Variants in SPTBN1 observed in about 807,000 individuals in gnomAD.
The protein encoded by SPTBN1 is spectrin beta chain, non-erythrocytic 1.
Under a neutral mutation model 266.4 loss-of-function variants are expected in SPTBN1, and 32 were observed. That is an observed-to-expected ratio of 0.12 (90% CI 0.09 to 0.16). The LOEUF (loss-of-function observed/expected upper bound fraction) is 0.16. Ranked by LOEUF, SPTBN1 falls within the 10% of genes least tolerant of loss-of-function variation. The probability of loss-of-function intolerance (pLI) is 1.00; values close to 1 mark genes in which losing one functional copy is unlikely to be tolerated. For synonymous variants in SPTBN1, 1,336 were observed against 1,162.2 expected (o/e 1.15, Z -3.04); for missense variants, 2,296 against 3,067.1 (o/e 0.75, Z 5.94).
chr2:54,599,521 G>T (rs1267011296), intron 3 of SPTBN1, among the ~76,000 whole-genome samples: 1 of 152,206 alleles, frequency 6.6e-6, no homozygotes, highest in Non-Finnish European at 1.5e-5. Flanking sequence ...CAAGAACAGG[G>T]CATGGTGCTG....
At chr2:54,659,853 T>C (rs1572774649) in intron 31 of SPTBN1, 83 bp from the exon 32 acceptor site, 3 of 1,515,382 alleles carry the variant, frequency 2.0e-6, no homozygotes, top group East Asian at 4.8e-5. Flanking sequence ...AATTGAGTGA[T>C]GATGTTCTCC....
chr2:54,523,906 G>T (rs1398558247), intron 1 of SPTBN1, among the ~76,000 whole-genome samples: 1 of 152,192 alleles, frequency 6.6e-6, no homozygotes, highest in African/African-American at 2.4e-5. Context: ...TGAGTTTTAA[G>T]ATGTTGATAA....
At chr2:54,602,687 A>G (rs1362064129) in intron 3 of SPTBN1, among the ~76,000 whole-genome samples, 1 of 152,066 alleles carries the variant, frequency 6.6e-6, no homozygotes, top group African/African-American at 2.4e-5. Flanking sequence ...TTACTCCATC[A>G]GTCATTCTCT....
chr2:54,470,250 AT>A (rs11339446), intron 1 of SPTBN1, among the ~76,000 whole-genome samples: 53,795 of 151,876 alleles, frequency 0.35, 12,398 homozygotes, highest in African/African-American at 0.66. Context: ...TTTTATATAT[AT>A]TTTTTCCGGC....
At chr2:54,633,735 AT>A (rs1274206654) in intron 17 of SPTBN1, among the ~76,000 whole-genome samples, 2 of 152,144 alleles carry the variant, frequency 1.3e-5, no homozygotes, top group African/African-American at 4.8e-5. Context: ...GAAAGGAAAA[AT>A]ATTCCTTTGC....
At chr2:54,485,382 A>G (rs138547402) in intron 1 of SPTBN1, among the ~76,000 whole-genome samples, 6 of 152,154 alleles carry the variant, frequency 3.9e-5, no homozygotes, top group Admixed American at 2.6e-4. Context: ...TGGTGGAGAC[A>G]GGGTTTCACT....
chr2:54,622,202 G>A lies in SPTBN1; in HGVS notation c.877-98G>A, dbSNP rs1678033736. 3.0e-6 allele frequency: 4 copies of A among 1,317,796 alleles called. No homozygotes were observed. In the Admixed American group the frequency reaches 8.1e-5, roughly 27 times the overall value. The allele number at this position is 1,317,796 out of a possible 1,614,324, so 81.6% of individuals were successfully genotyped here. ...TCAGAGCTGGCCAAACTGTTTCAAA[G>A]CCGGTCGTTTTGTGTGCATGCACTC... On this transcript the variant is annotated intron_variant, in intron 8 of 35. Coordinates refer to ENST00000356805, the MANE Select transcript of SPTBN1 (RefSeq NM_003128.3).
chr2:54,513,146 G>T (rs1192882651), intron 1 of SPTBN1, among the ~76,000 whole-genome samples: 1 of 152,188 alleles, frequency 6.6e-6, no homozygotes, highest in Non-Finnish European at 1.5e-5. Context: ...CTGCACTCCA[G>T]CCTGGGCAAC....
At chr2:54,550,132 T>A (rs532443321) in intron 2 of SPTBN1, among the ~76,000 whole-genome samples, 2 of 152,044 alleles carry the variant, frequency 1.3e-5, no homozygotes, top group Admixed American at 6.5e-5. Context: ...GAGGGAAGGG[T>A]GTTTTATGGT....
Position 54,628,162 on chromosome 2 carries a change from C to T in SPTBN1, c.1710C>T (p.His570=). Residue 570 remains histidine (H), a synonymous_variant, in exon 13 of 36, where the codon CAC becomes CAT. Coordinates refer to ENST00000356805, the MANE Select transcript of SPTBN1 (RefSeq NM_003128.3). This position sits in a 1 kb window ranked among gnomAD's most constrained non-coding sequence, Gnocchi z 4.3. The stretch of plus-strand genomic sequence containing the variant: ...GTGTGGAAGACCTGTTACAGAAGCA[C>T]ACCCTGGTTGAAGCAGACATTGGCA... ...LLGVEDLLQK[H]TLVEADIGIQ... is the part of the protein sequence containing the mutation. 2 of 1,614,118 alleles carry T rather than the reference C, an allele frequency of 1.2e-6. No individual in the cohort carries two copies. Among genetic ancestry groups the T allele is most frequent in the Non-Finnish European group, 8.5e-7 (1 of 1,179,984 alleles).
chr2:54,490,811 G>C (rs1668646702), intron 1 of SPTBN1, among the ~76,000 whole-genome samples: 1 of 152,246 alleles, frequency 6.6e-6, no homozygotes, highest in Non-Finnish European at 1.5e-5. Flanking sequence ...GTGTGGGAGA[G>C]TCCCACGCAG....
chr2:54,550,426 G>A (rs555266436), intron 2 of SPTBN1, among the ~76,000 whole-genome samples: 16 of 152,288 alleles, frequency 1.1e-4, no homozygotes, highest in Middle Eastern at 3.4e-3. Flanking sequence ...GGCTGCACAT[G>A]TTGTTCCATA....
In SPTBN1 at chr2:54,659,584, C is replaced by T. The variant is rs1014092257; in HGVS notation, c.6356+318C>T. Among the ~76,000 whole-genome samples the T allele has an allele frequency of 2.7e-5, 4 of 146,124 alleles. No individual in the cohort carries two copies. In the East Asian group the frequency reaches 7.9e-4, roughly 29 times the overall value. On this transcript the variant is annotated intron_variant, in intron 31 of 35. Coordinates refer to ENST00000356805, the MANE Select transcript of SPTBN1 (RefSeq NM_003128.3). ...GGAGTGAACTGCCCAGATTTTAGGCCAGTGATTTTGTGGTGATGCGTTTTT... is the reference window on the plus strand; with the variant it reads ...GGAGTGAACTGCCCAGATTTTAGGCTAGTGATTTTGTGGTGATGCGTTTTT...
chr2:54,639,186 A>G (rs1572730180), intron 18 of SPTBN1, among the ~76,000 whole-genome samples: 1 of 152,240 alleles, frequency 6.6e-6, no homozygotes, highest in East Asian at 1.9e-4. Context: ...GTGCCAAGAC[A>G]GGGCATAGAA....
chr2:54,583,001 A>T (rs1185652322), intron 2 of SPTBN1, among the ~76,000 whole-genome samples: 1 of 152,172 alleles, frequency 6.6e-6, no homozygotes, highest in Non-Finnish European at 1.5e-5. Flanking sequence ...CACTCAGTAA[A>T]CCCTGACTAT....
intron 1 of SPTBN1, among the ~76,000 whole-genome samples, chr2:54,460,982 A>G (rs1693336104): frequency 6.6e-6 from 1 of 152,318 alleles, no homozygotes; most frequent in Non-Finnish European, 1.5e-5. Context: ...AACCTGGGTG[A>G]CAAGAGCGAG....
At chr2:54,634,867 TG>T (rs1679013033) in intron 17 of SPTBN1, among the ~76,000 whole-genome samples, 1 of 151,960 alleles carries the variant, frequency 6.6e-6, no homozygotes, top group African/African-American at 2.4e-5. Context: ...TGCCTGTGAG[TG>T]GGAAGAGACT....
chr2:54,646,215 G>A lies in SPTBN1; in HGVS notation c.4606G>A (p.Gly1536Arg). ...KNQTLQKEIQGHQPRIDDIFE... is the reference protein window; with the variant it reads ...KNQTLQKEIQRHQPRIDDIFE... The stretch of plus-strand genomic sequence containing the variant: ...CCAGACCCTCCAGAAAGAAATCCAG[G>A]GGCACCAGCCTCGCATTGACGACAT... Residue 1536 changes from glycine (G) to arginine (R), a missense_variant, in exon 23 of 36, where the codon GGG (glycine) becomes AGG (arginine). Coordinates refer to ENST00000356805, the MANE Select transcript of SPTBN1 (RefSeq NM_003128.3). This position sits in a 1 kb window ranked among gnomAD's most constrained non-coding sequence, Gnocchi z 4.4. The A allele has an allele frequency of 1.2e-6, 2 of 1,610,850 alleles. No individual in the cohort carries two copies. The highest frequency in any genetic ancestry group is 8.5e-7 in the Non-Finnish European group (1 of 1,178,210).
intron 7 of SPTBN1, 79 bp downstream of exon 7, chr2:54,618,272 A>T: frequency 8.1e-7 from 1 of 1,236,168 alleles, no homozygotes; most frequent in Non-Finnish European, 1.1e-6. Flanking sequence ...GTTTTGTGTC[A>T]GTCTGTTTCA....
Sources: gnomAD v4.1 joint callset for allele counts (sites outside exome capture counted in the v4.1 genomes callset) on GRCh38, gnomAD v4.1.1 for gene constraint, Gnocchi (gnomAD v3.1) non-coding constraint, MANE v1.5 for transcripts, NCBI Gene and HGNC (gene_info 2026-07-23, HGNC 2026-07-21) for gene names.